Variants in PARG observed in about 807,000 individuals in gnomAD.
PARG encodes the protein mitochondrial poly(ADP-ribose) glycohydrolase.
In PARG, 35 loss-of-function variants were observed where a neutral mutation model predicts 113.0. That is an observed-to-expected ratio of 0.31 (90% confidence interval 0.24 to 0.41). The LOEUF (loss-of-function observed/expected upper bound fraction) is 0.41, where lower values mean the gene tolerates loss of function less well. PARG is among the 10% of genes least tolerant of loss of function. The pLI is 1.00. For missense variants in PARG, 797 were observed against 1,169.4 expected, an observed-to-expected ratio of 0.68 and a Z score of 4.64; for synonymous variants, 330 against 409.9, an observed-to-expected ratio of 0.81 and a Z score of 2.36.
intron 13 of PARG, among the ~76,000 whole-genome samples, chr10:49,847,104 A>G: frequency 1.3e-5 from 2 of 151,312 alleles, no homozygotes; most frequent in Middle Eastern, 6.9e-3. Context: ...ATATATTAAT[A>G]AATAATAAAT....
intron 16 of PARG, among the ~76,000 whole-genome samples, chr10:49,828,020 T>G (rs1248429860): frequency 3.6e-5 from 5 of 140,586 alleles, no homozygotes; most frequent in Admixed American, 3.1e-4. Context: ...GTGCCTAGGG[T>G]CTGGTGGTAC....
intron 16 of PARG, among the ~76,000 whole-genome samples, chr10:49,829,167 T>C (rs972844162): frequency 5.9e-5 from 9 of 151,788 alleles, no homozygotes; most frequent in Non-Finnish European, 1.0e-4. Flanking sequence ...ACTCAGGAGG[T>C]GGAGGTTGCA....
chr10:49,839,786 A>T (rs1845134255), intron 15 of PARG, among the ~76,000 whole-genome samples: 1 of 152,266 alleles, frequency 6.6e-6, no homozygotes, highest in African/African-American at 2.4e-5. Flanking sequence ...CAGTTCATTC[A>T]TAAAATAGTG....
intron 1 of PARG, among the ~76,000 whole-genome samples, chr10:49,938,536 T>C (rs1281773053): frequency 6.6e-6 from 1 of 152,154 alleles, no homozygotes; most frequent in Non-Finnish European, 1.5e-5. Flanking sequence ...GCAACACATC[T>C]GGATAAACCT....
At chr10:49,834,827 A>T (rs551338206) in intron 15 of PARG, among the ~76,000 whole-genome samples, 21 of 152,246 alleles carry the variant, frequency 1.4e-4, no homozygotes, top group African/African-American at 4.8e-4. Context: ...GTGACAGTGA[A>T]CTCTATCCCC....
At chr10:49,891,921 C>T (rs188873142) in intron 7 of PARG, among the ~76,000 whole-genome samples, 642 of 151,366 alleles carry the variant, frequency 4.2e-3, no homozygotes, top group East Asian at 0.016. Flanking sequence ...GCCTGTAATA[C>T]TGAAGATGGG....
In PARG at chr10:49,819,243, A is replaced by G. The variant is rs74131134; in HGVS notation, c.*97T>C. ...GACTACAAATGTGGATTATGTACAC[A>G]TTTATATTAACTTAAGTCAATTCAT... On this transcript the variant is annotated 3_prime_UTR_variant, in exon 18 of 18. Transcript: ENST00000616448. The G allele has an allele frequency of 1.7e-3, 1,739 of 995,746 alleles. 15 individuals carry two copies. Among genetic ancestry groups the G allele is most frequent in the African/African-American group, 0.015 (922 of 61,454 alleles). The allele number at this position is 995,746 out of a possible 1,614,324, so 61.7% of individuals were successfully genotyped here.
intron 1 of PARG, among the ~76,000 whole-genome samples, chr10:49,937,863 TA>T (rs1838827582): frequency 6.6e-6 from 1 of 152,196 alleles, no homozygotes; most frequent in East Asian, 1.9e-4. Context: ...CAGTCCTTCT[TA>T]GGGCCTCAGA....
intron 7 of PARG, among the ~76,000 whole-genome samples, chr10:49,907,276 A>G (rs1430541522): frequency 6.6e-6 from 1 of 152,060 alleles, no homozygotes; most frequent in African/African-American, 2.4e-5. Context: ...AAAATTATTT[A>G]GCCAGCTTAG....
Position 49,922,533 on chromosome 10 carries a change from G to A in PARG, c.1578+14C>T, listed in dbSNP as rs782344390. 2.0e-5 allele frequency: 32 copies of A among 1,610,270 alleles called. No homozygotes were observed. The highest frequency in any genetic ancestry group is 4.4e-5 in the South Asian group (4 of 90,568). On this transcript the variant is annotated intron_variant, in intron 5 of 17. Transcript: ENST00000616448. ...ATTTTTCAGAGACTAAAAGAATCTC[G>A]GTTTTGTTCTTACCTCATCTTCCAC...
intron 6 of PARG, among the ~76,000 whole-genome samples, chr10:49,920,459 A>T (rs1241691015): frequency 2.0e-5 from 1 of 50,644 alleles, no homozygotes; most frequent in East Asian, 4.4e-4. Flanking sequence ...ATTAAAAAAA[A>T]AAAAATATAT....
At chr10:49,843,471 T>C (rs1845344802) in intron 14 of PARG, 83 bp downstream of exon 14, 10 of 802,670 alleles carry the variant, frequency 1.2e-5, no homozygotes, top group Non-Finnish European at 2.1e-5. Context: ...GAAATACAAG[T>C]AGACAGAATG....
intron 13 of PARG, among the ~76,000 whole-genome samples, chr10:49,847,058 T>G (rs1325845537): frequency 6.6e-6 from 1 of 151,328 alleles, no homozygotes; most frequent in African/African-American, 2.4e-5. Flanking sequence ...CATAATCCAC[T>G]GAATACAATA....
chr10:49,858,959 T>C (rs1318868118), intron 12 of PARG, among the ~76,000 whole-genome samples: 14 of 152,158 alleles, frequency 9.2e-5, no homozygotes, highest in Middle Eastern at 3.4e-3. Flanking sequence ...ATTTGTAATT[T>C]AGATGGCAGT....
chr10:49,853,283 G>A (rs1262838058), intron 13 of PARG, among the ~76,000 whole-genome samples: 7 of 151,850 alleles, frequency 4.6e-5, no homozygotes, highest in East Asian at 1.9e-4. Flanking sequence ...TGATCCGCCC[G>A]CCTCAGCCTC....
At chr10:49,833,820 AT>A (rs1844785256) in intron 15 of PARG, among the ~76,000 whole-genome samples, 1 of 152,238 alleles carries the variant, frequency 6.6e-6, no homozygotes, top group Admixed American at 6.5e-5. Context: ...GAAGCCTAAA[AT>A]ATAGCTTACA....
chr10:49,927,423 A>AAAG (rs1564664988), intron 4 of PARG, among the ~76,000 whole-genome samples: 174 of 151,066 alleles, frequency 1.2e-3, no homozygotes, highest in African/African-American at 4.0e-3. Context: ...AGAAAGAAAA[A>AAAG]TAAACCTGTG....
chr10:49,910,850 TAGA>T (rs1425826176), intron 7 of PARG, among the ~76,000 whole-genome samples: 2 of 152,132 alleles, frequency 1.3e-5, no homozygotes, highest in Non-Finnish European at 2.9e-5. Context: ...AGTCCAGAAA[TAGA>T]AGCCAACATT....
At chr10:49,837,891 G>A (rs1181917172) in intron 15 of PARG, among the ~76,000 whole-genome samples, 1 of 152,118 alleles carries the variant, frequency 6.6e-6, no homozygotes, top group Non-Finnish European at 1.5e-5. Flanking sequence ...TGTCTCACAG[G>A]TGGGGAACCC....
Sources: gnomAD v4.1 joint callset for allele counts (sites outside exome capture counted in the v4.1 genomes callset) on GRCh38, gnomAD v4.1.1 for gene constraint, MANE v1.5 for transcripts, NCBI Gene and HGNC (gene_info 2026-07-23, HGNC 2026-07-21) for gene names.